Variants in STK24 observed in about 807,000 individuals in gnomAD.
The protein encoded by STK24 is serine/threonine kinase 24, also known as serine/threonine-protein kinase 24.
In STK24, 21 loss-of-function variants were observed where a neutral mutation model predicts 55.6. That is an observed-to-expected ratio of 0.38 (90% CI 0.27 to 0.54). The LOEUF (loss-of-function observed/expected upper bound fraction) is 0.54. Among genes scored for constraint, STK24 ranks in the 20% least tolerant of loss-of-function variants. The probability of loss-of-function intolerance (pLI) is 0.79; values close to 1 mark genes in which losing one functional copy is unlikely to be tolerated. For synonymous variants in STK24, 200 were observed against 215.2 expected (o/e 0.93, Z 0.62); for missense variants, 383 against 538.4 (o/e 0.71, Z 2.86).
chr13:98,566,430 T>C (rs1897572505), intron 1 of STK24, among the ~76,000 whole-genome samples: 1 of 152,212 alleles, frequency 6.6e-6, no homozygotes, highest in South Asian at 2.1e-4. Flanking sequence ...ACACACATGC[T>C]GGCCTCCCAG....
chr13:98,459,499 G>C (rs1893609868), intron 9 of STK24, among the ~76,000 whole-genome samples: 1 of 152,238 alleles, frequency 6.6e-6, no homozygotes, highest in Non-Finnish European at 1.5e-5. Context: ...GGAGGGCTGG[G>C]AAGAGGCACT....
At chr13:98,504,487 AC>A (rs1895610129) in intron 2 of STK24, among the ~76,000 whole-genome samples, 1 of 152,238 alleles carries the variant, frequency 6.6e-6, no homozygotes, top group Admixed American at 6.5e-5. Flanking sequence ...CGTGGTGACC[AC>A]CACAGTGGTT....
intron 1 of STK24, among the ~76,000 whole-genome samples, chr13:98,557,694 C>A (rs1441783623): frequency 6.6e-6 from 1 of 152,204 alleles, no homozygotes; most frequent in African/African-American, 2.4e-5. Context: ...AGGCTAAAGC[C>A]CAAACCACTC....
intron 1 of STK24, chr13:98,576,031 A>C (rs1897880099): frequency 1.0e-6 from 1 of 985,056 alleles, no homozygotes; most frequent in African/African-American, 1.7e-5. Context: ...ATTCCTGTAA[A>C]TGCAACCAAG....
At chr13:98,512,436 G>T (rs556085870) in intron 2 of STK24, among the ~76,000 whole-genome samples, 1 of 152,176 alleles carries the variant, frequency 6.6e-6, no homozygotes, top group African/African-American at 2.4e-5. Flanking sequence ...AGCGAAACAG[G>T]TCATTTTATT....
intron 2 of STK24, among the ~76,000 whole-genome samples, chr13:98,491,330 G>C (rs542448874): frequency 6.6e-6 from 1 of 152,310 alleles, no homozygotes; most frequent in Non-Finnish European, 1.5e-5. Flanking sequence ...GAAAAGGAGC[G>C]GGGAGGGAGA....
At chr13:98,562,919 A>G (rs1218967017) in intron 1 of STK24, among the ~76,000 whole-genome samples, 3 of 142,878 alleles carry the variant, frequency 2.1e-5, no homozygotes, top group African/African-American at 5.1e-5. Flanking sequence ...CCCTCTCTTA[A>G]AAAAAAAAAA....
At position 98,447,074 on chromosome 13, in the gene STK24, A is replaced by C. The variant is rs1269737740; in HGVS notation, c.*6099T>G. 4.3e-6 allele frequency: 2 copies of C among 466,466 alleles called. No homozygotes were observed. The highest frequency in any genetic ancestry group is 7.8e-6 in the Non-Finnish European group (2 of 256,538). The allele number at this position is 466,466 out of a possible 1,614,324, so 28.9% of individuals were successfully genotyped here. A position where few individuals can be genotyped will look rare whatever the true frequency, so the allele number is the denominator to read the frequency against. ...GACATCTTGCTTGGAGATCTCTGAC[A>C]TAACGTGTCCGGGATGATGAAGCTA... On this transcript the variant is annotated 3_prime_UTR_variant, in exon 11 of 11. Transcript: ENST00000539966.
chr13:98,576,271 G>A (rs1897889351), intron 1 of STK24: 4 of 959,982 alleles, frequency 4.2e-6, no homozygotes, highest in South Asian at 9.5e-5. Flanking sequence ...CCCCGTCCCC[G>A]CCCTGCCCAG....
chr13:98,461,113 TC>T (rs1233789286), intron 8 of STK24, among the ~76,000 whole-genome samples: 2 of 150,548 alleles, frequency 1.3e-5, no homozygotes, highest in Admixed American at 1.3e-4. Flanking sequence ...GAAATAGAAA[TC>T]AGGTCAAGAT....
At chr13:98,456,368 G>A (rs973135447) in intron 10 of STK24, 12 of 410,342 alleles carry the variant, frequency 2.9e-5, no homozygotes, top group African/African-American at 2.2e-4. Flanking sequence ...TTTGGGAGGT[G>A]TCAGCCTGGA....
chr13:98,500,634 C>T (rs985438520), intron 2 of STK24, among the ~76,000 whole-genome samples: 17 of 144,892 alleles, frequency 1.2e-4, no homozygotes, highest in Non-Finnish European at 2.3e-4. Flanking sequence ...CCCCCCACCA[C>T]TCCCGTGACC....
In STK24 at chr13:98,474,986, A is replaced by G. The variant is rs1179334551; in HGVS notation, c.440-8T>C. The G allele has an allele frequency of 3.7e-6, 6 of 1,607,264 alleles. No homozygotes were observed. The highest frequency in any genetic ancestry group is 5.1e-6 in the Non-Finnish European group (6 of 1,176,778). On this transcript the variant is annotated splice_region_variant and splice_polypyrimidine_tract_variant and intron_variant, in intron 4 of 10. Coordinates refer to ENST00000539966, the MANE Select transcript of STK24 (RefSeq NM_001032296.4). Reference sequence around the variant, plus strand: ...ACAGCAGGACGTTGGCCGCTGCAAAAGAAAGCCAAGGCGGCCCTGGGCGGT... The same window carrying G: ...ACAGCAGGACGTTGGCCGCTGCAAAGGAAAGCCAAGGCGGCCCTGGGCGGT...
chr13:98,547,557 A>G (rs1261570959), intron 1 of STK24, among the ~76,000 whole-genome samples: 1 of 152,194 alleles, frequency 6.6e-6, no homozygotes, highest in African/African-American at 2.4e-5. Context: ...CTTTAAAACA[A>G]AATTAATGAC....
At chr13:98,470,129 A>T (rs1894085674) in intron 5 of STK24, among the ~76,000 whole-genome samples, 1 of 152,202 alleles carries the variant, frequency 6.6e-6, no homozygotes, top group Non-Finnish European at 1.5e-5. Flanking sequence ...TTCTAGGAAA[A>T]ATGACAGCAG....
chr13:98,527,568 G>A (rs1896466907), intron 1 of STK24, among the ~76,000 whole-genome samples: 2 of 152,068 alleles, frequency 1.3e-5, no homozygotes, highest in African/African-American at 4.8e-5. Context: ...ACTCTCCCAC[G>A]GGCCACCGGC....
intron 1 of STK24, among the ~76,000 whole-genome samples, chr13:98,528,567 C>CT (rs1297532698): frequency 6.6e-6 from 1 of 152,216 alleles, no homozygotes; most frequent in African/African-American, 2.4e-5. Flanking sequence ...CAACACAACA[C>CT]TTTATTATAT....
In STK24 at chr13:98,461,761, T is replaced by G. The variant is rs1214434726; in HGVS notation, c.1053+13A>C. 1.2e-6 allele frequency: 2 copies of G among 1,613,450 alleles called. No individual in the cohort carries two copies. Among genetic ancestry groups the G allele is most frequent in the East Asian group, 2.2e-5 (1 of 44,868 alleles). On this transcript the variant is annotated intron_variant, in intron 8 of 10. Coordinates refer to ENST00000539966, the MANE Select transcript of STK24 (RefSeq NM_001032296.4). ...TGAGGTCAGCGTGGCCATTCTGGAG[T>G]GAGCAGACGTACCTTATTTCTGTCC...
rs765509276 is a variant in STK24, at chr13:98,449,165, A to T, written c.*4008T>A. 3 of 152,210 alleles carry T rather than the reference A, an allele frequency of 2.0e-5. No individual in the cohort carries two copies. Among genetic ancestry groups the T allele is most frequent in the Non-Finnish European group, 4.4e-5 (3 of 68,054 alleles). The allele number at this position is 152,210 out of a possible 1,614,324, so 9.4% of individuals were successfully genotyped here. On this transcript the variant is annotated 3_prime_UTR_variant, in exon 11 of 11. Transcript: ENST00000539966. The stretch of plus-strand genomic sequence containing the variant: ...GTCATTGATCAGCACCATTTGTGGT[A>T]TGTTCCGTGATGAGCGTTTAGTGAG...
Sources: gnomAD v4.1 joint callset for allele counts (sites outside exome capture counted in the v4.1 genomes callset) on GRCh38, gnomAD v4.1.1 for gene constraint, MANE v1.5 for transcripts, NCBI Gene and HGNC (gene_info 2026-07-23, HGNC 2026-07-21) for gene names.